Variants in ERC1 observed in about 807,000 individuals in gnomAD.
ERC1 encodes RAB6 interacting protein 2.
ERC1 carries 56 observed loss-of-function variants against 132.0 expected under a neutral mutation model. The observed-to-expected ratio is 0.42, with a 90% CI of 0.34 to 0.53. ERC1 has a LOEUF of 0.53. Among genes scored for constraint, ERC1 ranks in the 20% least tolerant of loss-of-function variants. The probability of loss-of-function intolerance (pLI) is 0.03; values close to 1 mark genes in which losing one functional copy is unlikely to be tolerated. For missense variants in ERC1, 1,202 were observed against 1,349.9 expected (o/e 0.89, Z 1.72); for synonymous variants, 478 against 476.1 (o/e 1.00, Z -0.05).
chr12:1,296,441 G>A (rs143204157), intron 15 of ERC1, among the ~76,000 whole-genome samples: 1,278 of 112,460 alleles, frequency 0.011, 20 homozygotes, highest in African/African-American at 0.042. Flanking sequence ...GAGATGGAGT[G>A]TCGCTCTTGT....
At chr12:1,349,576 A>G (rs972372369) in intron 15 of ERC1, among the ~76,000 whole-genome samples, 2 of 151,684 alleles carry the variant, frequency 1.3e-5, no homozygotes, top group African/African-American at 4.8e-5. Flanking sequence ...AGGCAGGTGA[A>G]TCGCTTGAAC....
At chr12:1,137,452 C>T (rs1005687445) in intron 7 of ERC1, among the ~76,000 whole-genome samples, 18 of 151,930 alleles carry the variant, frequency 1.2e-4, no homozygotes, top group East Asian at 3.9e-4. Context: ...TATTTAACTA[C>T]GCTGAGTCAC....
intron 14 of ERC1, among the ~76,000 whole-genome samples, chr12:1,269,820 C>G (rs2077707367): frequency 6.6e-6 from 1 of 152,164 alleles, no homozygotes; most frequent in South Asian, 2.1e-4. Context: ...TCTCCTTTTT[C>G]ATTTTCCCCT....
chr12:1,212,564 G>A (rs1352732828), intron 12 of ERC1, among the ~76,000 whole-genome samples: 1 of 152,178 alleles, frequency 6.6e-6, no homozygotes, highest in Non-Finnish European at 1.5e-5. Flanking sequence ...TCTTAGTTCA[G>A]CTAAAGACGG....
intron 8 of ERC1, among the ~76,000 whole-genome samples, chr12:1,147,713 T>C (rs1950508797): frequency 6.6e-6 from 1 of 152,196 alleles, no homozygotes; most frequent in African/African-American, 2.4e-5. Context: ...CGCTGGTTAT[T>C]GCAGTTGTGG....
In ERC1 at chr12:1,495,468, C is replaced by G. The variant is rs1278454724; in HGVS notation, c.*5238C>G. 1 of 229,092 alleles carries G rather than the reference C, an allele frequency of 4.4e-6. No individual in the cohort carries two copies. The highest frequency in any genetic ancestry group is 8.7e-6 in the Non-Finnish European group (1 of 115,504). The allele number at this position is 229,092 out of a possible 1,614,324, so 14.2% of individuals were successfully genotyped here. A position where few individuals can be genotyped will look rare whatever the true frequency, so the allele number is the denominator to read the frequency against. Reference sequence around the variant, plus strand: ...CCAAAGCAGGCCCTCTGGGTCCAGCCCCTCATTCCACACCACGCCAGTATT... The same window carrying G: ...CCAAAGCAGGCCCTCTGGGTCCAGCGCCTCATTCCACACCACGCCAGTATT... On this transcript the variant is annotated 3_prime_UTR_variant, in exon 19 of 19. Transcript: ENST00000360905.
chr12:1,348,399 A>G (rs996305835), intron 15 of ERC1, among the ~76,000 whole-genome samples: 47 of 152,126 alleles, frequency 3.1e-4, no homozygotes, highest in African/African-American at 1.1e-3. Context: ...AAAATGTATA[A>G]TGTCCAGCCA....
chr12:1,007,492 C>T (rs5795955), intron 1 of ERC1, among the ~76,000 whole-genome samples: 1 of 129,900 alleles, frequency 7.7e-6, no homozygotes, highest in Non-Finnish European at 1.7e-5. Context: ...CTCTCTCTCT[C>T]TTTCTCTCTC....
At chr12:1,432,300 T>C (rs901552239) in intron 17 of ERC1, among the ~76,000 whole-genome samples, 10 of 152,232 alleles carry the variant, frequency 6.6e-5, no homozygotes, top group African/African-American at 2.4e-4. Flanking sequence ...CTCATGTTCA[T>C]ATAAAACCAT....
chr12:1,014,544 A>T (rs985833619), intron 1 of ERC1, among the ~76,000 whole-genome samples: 4 of 152,190 alleles, frequency 2.6e-5, no homozygotes, highest in Admixed American at 6.5e-5. Context: ...TATGTAAGTA[A>T]GGAAAAAGGT....
At chr12:1,369,128 T>C (rs552816935) in intron 15 of ERC1, among the ~76,000 whole-genome samples, 4 of 152,260 alleles carry the variant, frequency 2.6e-5, no homozygotes, top group Non-Finnish European at 5.9e-5. Flanking sequence ...ATTATATATC[T>C]TGTTAAAAAG....
At chr12:1,310,894 G>A (rs766386887) in intron 15 of ERC1, among the ~76,000 whole-genome samples, 5 of 152,250 alleles carry the variant, frequency 3.3e-5, no homozygotes, top group African/African-American at 4.8e-5. Context: ...TTCTTACTGC[G>A]TGGCAGAGAG....
intron 17 of ERC1, among the ~76,000 whole-genome samples, chr12:1,426,956 G>C (rs1181205592): frequency 2.6e-5 from 4 of 151,920 alleles, no homozygotes; most frequent in Non-Finnish European, 4.4e-5. Flanking sequence ...CCTTCTAGTG[G>C]CCCACTAGAA....
At chr12:1,433,689 T>C (rs181906694) in intron 17 of ERC1, among the ~76,000 whole-genome samples, 37 of 152,344 alleles carry the variant, frequency 2.4e-4, no homozygotes, top group African/African-American at 8.7e-4. Context: ...GCGGAGACTT[T>C]ACTCCCTTTG....
chr12:1,361,494 A>G (rs1040916060), intron 15 of ERC1, among the ~76,000 whole-genome samples: 6 of 152,214 alleles, frequency 3.9e-5, no homozygotes, highest in African/African-American at 1.4e-4. Context: ...GCATGATTTG[A>G]TTAAATGAGT....
chr12:1,151,603 A>G (rs940475901), intron 8 of ERC1, among the ~76,000 whole-genome samples: 1 of 152,188 alleles, frequency 6.6e-6, no homozygotes, highest in African/African-American at 2.4e-5. Flanking sequence ...TCTTAGGTAC[A>G]CCAGGAAACC....
At chr12:1,245,186 TG>T (rs1488943736) in intron 13 of ERC1, among the ~76,000 whole-genome samples, 1 of 152,210 alleles carries the variant, frequency 6.6e-6, no homozygotes, top group African/African-American at 2.4e-5. Flanking sequence ...CTCGAGAAAT[TG>T]GAGTATTGTT....
At chr12:1,018,412 G>A (rs545830179) in intron 1 of ERC1, among the ~76,000 whole-genome samples, 40 of 151,962 alleles carry the variant, frequency 2.6e-4, no homozygotes, top group African/African-American at 9.4e-4. Context: ...ACGGGGTTTC[G>A]CCATGTTGGC....
At chr12:1,122,633 C>A (rs12302007) in intron 7 of ERC1, among the ~76,000 whole-genome samples, 480 of 8,672 alleles carry the variant, frequency 0.055, 36 homozygotes, top group East Asian at 0.4. Context: ...GTGTCTCTAT[C>A]TCTATCTCTA....
Sources: allele counts gnomAD v4.1 joint callset (sites outside exome capture counted in the v4.1 genomes callset), GRCh38; gene constraint gnomAD v4.1.1; transcripts MANE v1.5; gene names NCBI Gene and HGNC (gene_info 2026-07-23, HGNC 2026-07-21).